The following ACTN2 variants were observed in gnomAD, a reference collection of about 807,000 sequenced individuals.
ACTN2 encodes alpha-actinin-2.
A neutral mutation model predicts 113.8 loss-of-function variants in ACTN2; 39 were observed. The ratio of observed to expected loss-of-function variants is 0.34; its 90% CI spans 0.27 to 0.45. The LOEUF is 0.45. Ranked by LOEUF, ACTN2 falls within the 20% of genes least tolerant of loss-of-function variation. The probability of loss-of-function intolerance (pLI) is 1.00; values close to 1 mark genes in which losing one functional copy is unlikely to be tolerated. For missense variants in ACTN2, 992 were observed against 1,177.9 expected (o/e 0.84, Z 2.31); for synonymous variants, 429 against 444.1 (o/e 0.97, Z 0.43).
chr1:236,749,353 C>T (rs1332823749), intron 14 of ACTN2, 89 bp downstream of exon 14: 1 of 1,552,628 alleles, frequency 6.4e-7, no homozygotes, highest in East Asian at 2.3e-5. Context: ...TTCTTGTTTT[C>T]TTGCTTTAAA....
At chr1:236,734,083 T>G (rs1005387155) in intron 7 of ACTN2, among the ~76,000 whole-genome samples, 20 of 152,280 alleles carry the variant, frequency 1.3e-4, no homozygotes, top group African/African-American at 4.6e-4. Flanking sequence ...GCCCTCCATG[T>G]GTGTAGTAAT....
Position 236,750,144 on chromosome 1 carries a change from T to C in ACTN2, c.1656+880T>C, listed in dbSNP as rs368733005. On this transcript the variant is annotated intron_variant, in intron 14 of 20. Coordinates refer to ENST00000366578, the MANE Select transcript of ACTN2 (RefSeq NM_001103.4). ...TTAATCTCGGTTAGCCAGGACATAA[T>C]TTATTTAGAGAATTTGTACAGTGAA... Among the ~76,000 whole-genome samples the C allele has an allele frequency of 3.3e-5, 5 of 152,268 alleles. No individual in the cohort carries two copies. The South Asian group carries it at 8.3e-4, about 25-fold the overall frequency.
At position 236,761,035 on chromosome 1, in the gene ACTN2, C is replaced by T; in HGVS notation, c.2388C>T (p.Arg796=). ...CCCAGGGTGAAGCCGAATTTGCCCG[C>T]ATTATGACCCTGGTAGATCCCAACG... The part of the protein sequence containing the change: ...GYDLGEAEFA[R]IMTLVDPNGQ... The change falls in exon 20 of 21, where the codon CGC becomes CGT. Residue 796 remains arginine, a synonymous_variant. Coordinates refer to ENST00000366578, the MANE Select transcript of ACTN2 (RefSeq NM_001103.4). 3.7e-6 allele frequency: 6 copies of T among 1,614,208 alleles called. No homozygotes were observed. The South Asian group carries it at 5.5e-5, about 15-fold the overall frequency.
chr1:236,764,479 C>T lies in ACTN2; in HGVS notation c.*1860C>T, dbSNP rs1295134227. ...AAGAGAGGGGGTCAGTAGTCTCTATCTGCTAATAAATGAAGAAAGGAAGTA... is the reference window on the plus strand; with the variant it reads ...AAGAGAGGGGGTCAGTAGTCTCTATTTGCTAATAAATGAAGAAAGGAAGTA... On this transcript the variant is annotated 3_prime_UTR_variant, in exon 21 of 21. Transcript: ENST00000366578. 2.6e-5 allele frequency: 4 copies of T among 152,052 alleles called. No homozygotes were observed. The highest frequency in any genetic ancestry group is 4.4e-5 in the Non-Finnish European group (3 of 68,002). 9.4% of individuals were successfully genotyped at this position (152,052 alleles called of 1,614,324 possible).
chr1:236,721,894 G>A (rs1658407675), intron 4 of ACTN2, among the ~76,000 whole-genome samples: 1 of 152,070 alleles, frequency 6.6e-6, no homozygotes, highest in Non-Finnish European at 1.5e-5. Flanking sequence ...TATATTTCAA[G>A]TGTAGGTATG....
chr1:236,753,213 A>G (rs1401567345), intron 15 of ACTN2, among the ~76,000 whole-genome samples: 1 of 152,236 alleles, frequency 6.6e-6, no homozygotes, highest in Non-Finnish European at 1.5e-5. Flanking sequence ...CCTTCTGATA[A>G]TAATGTTTGT....
intron 4 of ACTN2, among the ~76,000 whole-genome samples, chr1:236,723,339 A>G (rs2995046): frequency 0.94 from 142,706 of 152,286 alleles, 67,300 homozygotes; most frequent in Non-Finnish European, 1. Context: ...GCACTTGCTA[A>G]TTAAAAGACA....
At chr1:236,727,397 G>C (rs571266754) in intron 5 of ACTN2, among the ~76,000 whole-genome samples, 53 of 152,260 alleles carry the variant, frequency 3.5e-4, no homozygotes, top group African/African-American at 1.2e-3. Context: ...GACAGCAGTA[G>C]AGACATCTCC....
chr1:236,713,080 C>A (rs893509432), intron 1 of ACTN2, among the ~76,000 whole-genome samples: 1 of 151,704 alleles, frequency 6.6e-6, no homozygotes, highest in Admixed American at 6.6e-5. Context: ...ACTTAATTAT[C>A]CGGAAACAAC....
At chr1:236,701,684 G>A (rs1403545951) in intron 1 of ACTN2, among the ~76,000 whole-genome samples, 1 of 152,230 alleles carries the variant, frequency 6.6e-6, no homozygotes, top group Non-Finnish European at 1.5e-5. Context: ...TCTGCAAAAT[G>A]AAGAGTTAAA....
intron 17 of ACTN2, among the ~76,000 whole-genome samples, chr1:236,756,941 C>G (rs201389012): frequency 5.2e-5 from 1 of 19,088 alleles, no homozygotes; most frequent in African/African-American, 1.6e-4. Context: ...CTGTTAGAAC[C>G]CTGGTAATAG....
chr1:236,745,666 C>T (rs1659211742), intron 12 of ACTN2, among the ~76,000 whole-genome samples: 2 of 152,082 alleles, frequency 1.3e-5, no homozygotes, highest in South Asian at 2.1e-4. Flanking sequence ...GTGCGGCTGC[C>T]CTCAGGGAGA....
chr1:236,707,709 C>CTTTTTTTTTTTTTTTTTTTTTTTTTTT (rs5781919), intron 1 of ACTN2, among the ~76,000 whole-genome samples: 2 of 78,758 alleles, frequency 2.5e-5, no homozygotes, highest in Non-Finnish European at 4.7e-5. Flanking sequence ...TCTTTTTTTT[C>CTTTTTTTTTTTTTTTTTTTTTTTTTTT]TTTTTTTTTT....
At chr1:236,709,220 G>GTGTATATATATATA (rs1275373436) in intron 1 of ACTN2, among the ~76,000 whole-genome samples, 2 of 66,838 alleles carry the variant, frequency 3.0e-5, no homozygotes, top group African/African-American at 1.2e-4. Flanking sequence ...ACAAATGACT[G>GTGTATATATATATA]TATATATATA....
chr1:236,763,848 T>A lies in ACTN2; in HGVS notation c.*1229T>A, dbSNP rs1198484902. The A allele has an allele frequency of 6.6e-6, 1 of 152,238 alleles. No individual in the cohort carries two copies. The highest frequency in any genetic ancestry group is 2.4e-5 in the African/African-American group (1 of 41,474). 9.4% of individuals were successfully genotyped at this position (152,238 alleles called of 1,614,324 possible). A position where few individuals can be genotyped will look rare whatever the true frequency, so the allele number is the denominator to read the frequency against. ...TAGCACATCTTGATCTGTTGAATGT[T>A]CATTCTTTCTTTTTGCTCATACTGC... On this transcript the variant is annotated 3_prime_UTR_variant, in exon 21 of 21. Coordinates refer to ENST00000366578, the MANE Select transcript of ACTN2 (RefSeq NM_001103.4).
intron 7 of ACTN2, among the ~76,000 whole-genome samples, chr1:236,732,938 C>T (rs180897934): frequency 6.6e-6 from 1 of 152,358 alleles, no homozygotes; most frequent in East Asian, 1.9e-4. Context: ...AGCAATCTTT[C>T]AATTAGAACT....
chr1:236,705,660 T>C (rs968024230), intron 1 of ACTN2, among the ~76,000 whole-genome samples: 1 of 152,250 alleles, frequency 6.6e-6, no homozygotes, highest in African/African-American at 2.4e-5. Flanking sequence ...AGTTTCCCGT[T>C]GGAGCATAGA....
chr1:236,732,315 C>G (rs1431015598), intron 7 of ACTN2, among the ~76,000 whole-genome samples: 1 of 152,230 alleles, frequency 6.6e-6, no homozygotes, highest in Non-Finnish European at 1.5e-5. Flanking sequence ...CTCGCCTCTT[C>G]CAGCTTCTAG....
At position 236,739,203 on chromosome 1, in the gene ACTN2, T is replaced by C. The variant is rs11807254; in HGVS notation, c.877-99T>C. The C allele has an allele frequency of 3.9e-3, 4,867 of 1,235,204 alleles. 134 individuals are homozygous for C. In the African/African-American group the frequency reaches 0.062, roughly 16 times the overall value. 76.5% of individuals were successfully genotyped at this position (1,235,204 alleles called of 1,614,324 possible). A position where few individuals can be genotyped will look rare whatever the true frequency, so the allele number is the denominator to read the frequency against. On this transcript the variant is annotated intron_variant, in intron 9 of 20. Coordinates refer to ENST00000366578, the MANE Select transcript of ACTN2 (RefSeq NM_001103.4). ...CCACATCTCAGTGATTTTAGGAACA[T>C]TCATCCTTTACAAATTATTGGATGC...
Sources: allele counts gnomAD v4.1 joint callset (sites outside exome capture counted in the v4.1 genomes callset), GRCh38; gene constraint gnomAD v4.1.1; transcripts MANE v1.5; gene names NCBI Gene and HGNC (gene_info 2026-07-23, HGNC 2026-07-21).